The following CCSER1 variants were observed in gnomAD, a reference collection of about 807,000 sequenced individuals.
The protein encoded by CCSER1 is coiled-coil serine rich protein 1.
A neutral mutation model predicts 82.0 loss-of-function variants in CCSER1; 41 were observed. The observed-to-expected ratio is 0.50, with a 90% CI of 0.39 to 0.65. The LOEUF is 0.65. CCSER1 is among the 30% of genes least tolerant of loss of function. The pLI is 0.00. For missense variants in CCSER1, 1,119 were observed against 1,064.2 expected (o/e 1.05, Z -0.72); for synonymous variants, 414 against 383.9 (o/e 1.08, Z -0.92).
intron 9 of CCSER1, among the ~76,000 whole-genome samples, chr4:91,048,240 A>C (rs541204658): frequency 6.6e-6 from 1 of 152,010 alleles, no homozygotes; most frequent in South Asian, 2.1e-4. Context: ...TGAAATAGAC[A>C]TCATATAAGA....
rs554071787 is a variant in CCSER1, at chr4:91,505,145, T to C, written c.2218-93427T>C. ...TGTGGTGTTCCCTTCCCTGTGTCCA[T>C]GTGCTCTCATCGTTCAGCTTCTCCC... is the stretch of plus-strand genomic sequence containing the variant. On this transcript the variant is annotated intron_variant, in intron 10 of 10. Coordinates refer to ENST00000509176, the MANE Select transcript of CCSER1 (RefSeq NM_001145065.2). Among the ~76,000 whole-genome samples, 340 of 152,252 alleles carry C rather than the reference T, an allele frequency of 2.2e-3. 2 individuals carry two copies. The highest frequency in any genetic ancestry group is 7.9e-3 in the African/African-American group (330 of 41,544).
At chr4:90,845,804 T>C (rs115269111) in intron 8 of CCSER1, among the ~76,000 whole-genome samples, 1,369 of 129,822 alleles carry the variant, frequency 0.011, 24 homozygotes, top group African/African-American at 0.035. Context: ...TTATTTCAAC[T>C]GTGAAAAAAA....
chr4:91,120,983 CCTG>C (rs1727033986), intron 10 of CCSER1, among the ~76,000 whole-genome samples: 1 of 151,898 alleles, frequency 6.6e-6, no homozygotes, highest in African/African-American at 2.4e-5. Flanking sequence ...CTCTCTCCCT[CCTG>C]CTTTCTATTC....
intron 5 of CCSER1, among the ~76,000 whole-genome samples, chr4:90,586,742 A>G (rs1314400178): frequency 6.6e-6 from 1 of 152,224 alleles, no homozygotes; most frequent in African/African-American, 2.4e-5. Context: ...CAATTGCATT[A>G]TTATAAGTGC....
chr4:90,578,346 C>G (rs1011869135), intron 5 of CCSER1, among the ~76,000 whole-genome samples: 11 of 152,080 alleles, frequency 7.2e-5, no homozygotes, highest in African/African-American at 2.4e-4. Flanking sequence ...ACAACTTATT[C>G]CTTACCTTTT....
chr4:91,241,778 GA>G (rs149606172), intron 10 of CCSER1, among the ~76,000 whole-genome samples: 8,147 of 151,942 alleles, frequency 0.054, 288 homozygotes, highest in African/African-American at 0.1. Context: ...TGTAAAATAA[GA>G]TGCAAATTAA....
chr4:90,719,221 G>A (rs189239932), intron 6 of CCSER1, among the ~76,000 whole-genome samples: 1 of 151,970 alleles, frequency 6.6e-6, no homozygotes, highest in Non-Finnish European at 1.5e-5. Flanking sequence ...CCTTAGGAGC[G>A]CTAACCCTAG....
chr4:90,303,991 G>A (rs1733713298), intron 1 of CCSER1, among the ~76,000 whole-genome samples: 1 of 152,168 alleles, frequency 6.6e-6, no homozygotes, highest in Admixed American at 6.5e-5. Flanking sequence ...AGTGGGCGAA[G>A]GACATGAACA....
At chr4:90,781,639 C>G in intron 7 of CCSER1, 2 of 974,008 alleles carry the variant, frequency 2.1e-6, no homozygotes, top group Non-Finnish European at 2.4e-6. Flanking sequence ...TCTGTGTTCT[C>G]TTGAAAGTAG....
intron 10 of CCSER1, among the ~76,000 whole-genome samples, chr4:91,176,664 G>T (rs1188744361): frequency 6.6e-6 from 1 of 152,156 alleles, no homozygotes. Flanking sequence ...TTTGCACATT[G>T]ATTTTGTATC....
intron 9 of CCSER1, among the ~76,000 whole-genome samples, chr4:91,032,526 G>A (rs951827094): frequency 1.3e-5 from 2 of 152,136 alleles, no homozygotes; most frequent in African/African-American, 4.8e-5. Flanking sequence ...ATAATTTAAG[G>A]GCAAGTGGCA....
At chr4:91,415,519 G>T (rs998038262) in intron 10 of CCSER1, among the ~76,000 whole-genome samples, 2 of 152,092 alleles carry the variant, frequency 1.3e-5, no homozygotes, top group Admixed American at 6.6e-5. Flanking sequence ...TCCAGCTTTT[G>T]CCCATTCTGT....
intron 7 of CCSER1, among the ~76,000 whole-genome samples, chr4:90,746,248 C>A (rs1042749080): frequency 6.6e-6 from 1 of 152,018 alleles, no homozygotes; most frequent in Admixed American, 6.6e-5. Flanking sequence ...TATTTCAGTT[C>A]CTAGTATAGA....
At chr4:91,466,816 C>A (rs1756940506) in intron 10 of CCSER1, among the ~76,000 whole-genome samples, 1 of 152,084 alleles carries the variant, frequency 6.6e-6, no homozygotes, top group African/African-American at 2.4e-5. Flanking sequence ...AGGACCTCTT[C>A]AAGGAGAACT....
intron 4 of CCSER1, among the ~76,000 whole-genome samples, chr4:90,401,613 A>G (rs1354681196): frequency 2.0e-5 from 3 of 152,050 alleles, no homozygotes; most frequent in African/African-American, 7.2e-5. Flanking sequence ...AGCTCACCAC[A>G]ACTTCCGCCT....
intron 8 of CCSER1, among the ~76,000 whole-genome samples, chr4:90,902,856 G>A (rs1381558415): frequency 6.6e-6 from 1 of 152,044 alleles, no homozygotes; most frequent in Non-Finnish European, 1.5e-5. Context: ...GGCAGGCAGA[G>A]ATCCTGTTGG....
At chr4:90,664,089 T>C (rs113284452) in intron 6 of CCSER1, among the ~76,000 whole-genome samples, 19 of 152,340 alleles carry the variant, frequency 1.2e-4, no homozygotes, top group South Asian at 4.1e-4. Flanking sequence ...AATAACTGTT[T>C]TGGCACATTC....
intron 5 of CCSER1, among the ~76,000 whole-genome samples, chr4:90,548,202 G>T (rs1777012798): frequency 6.6e-6 from 1 of 152,134 alleles, no homozygotes; most frequent in Non-Finnish European, 1.5e-5. Context: ...AACTCTGGTA[G>T]TGTGTAGGAC....
intron 1 of CCSER1, among the ~76,000 whole-genome samples, chr4:90,187,753 A>G (rs1218319329): frequency 6.6e-6 from 1 of 151,954 alleles, no homozygotes; most frequent in African/African-American, 2.4e-5. Context: ...AACACCACAG[A>G]TGAATATAGT....
Sources: allele counts gnomAD v4.1 joint callset (sites outside exome capture counted in the v4.1 genomes callset), GRCh38; gene constraint gnomAD v4.1.1; transcripts MANE v1.5; gene names NCBI Gene and HGNC (gene_info 2026-07-23, HGNC 2026-07-21).